ZSCAN12: variants seen among roughly 807,000 people sequenced by gnomAD.
The protein encoded by ZSCAN12 is zinc finger and SCAN domain containing 12.
In ZSCAN12, 18 loss-of-function variants were observed where a neutral mutation model predicts 23.4. The observed-to-expected ratio is 0.77, with a 90% CI of 0.53 to 1.14. The LOEUF (loss-of-function observed/expected upper bound fraction) is 1.14, where lower values mean the gene tolerates loss of function less well. Among genes scored for constraint, ZSCAN12 ranks in the 50% most tolerant of loss-of-function variants. The pLI is 0.00. For missense variants in ZSCAN12, 650 were observed against 735.0 expected, an observed-to-expected ratio of 0.88 and a Z score of 1.34; for synonymous variants, 186 against 253.4, an observed-to-expected ratio of 0.73 and a Z score of 2.53.
chr6:28,384,472 G>C (rs1009618104), downstream of ZSCAN12, among the ~76,000 whole-genome samples: 1 of 152,134 alleles, frequency 6.6e-6, no homozygotes, highest in African/African-American at 2.4e-5. Flanking sequence ...AACTATGATA[G>C]GTGAAAGCTC....
Position 28,398,206 on chromosome 6 carries a change from A to G in ZSCAN12, c.200T>C (p.Leu67Pro). The change falls in exon 2 of 4, where the codon CTC becomes CCC. Residue 67 changes from leucine to proline, a missense_variant. Coordinates refer to ENST00000684592, the MANE Select transcript of ZSCAN12 (RefSeq NM_001163391.2). ...CAGCCACTGATGGCAAAGTTCTCGG[A>G]GTCGGCTCAAAGCCTCACGGGGACC... ...TSGPREALSRLRELCHQWLRP... is the reference protein window; with the variant it reads ...TSGPREALSRPRELCHQWLRP... The G allele has an allele frequency of 6.2e-7, 1 of 1,614,030 alleles. No homozygotes were observed. Among genetic ancestry groups the G allele is most frequent in the Non-Finnish European group, 8.5e-7 (1 of 1,179,958 alleles).
downstream of ZSCAN12, among the ~76,000 whole-genome samples, chr6:28,383,686 C>G (rs1318679326): frequency 1.3e-5 from 2 of 152,158 alleles, no homozygotes; most frequent in Non-Finnish European, 2.9e-5. Flanking sequence ...TGATAACTAA[C>G]AGGGGCGGAG....
chr6:28,391,579 A>G lies in ZSCAN12; in HGVS notation c.711T>C (p.Ser237=), dbSNP rs1261022850. The change falls in exon 4 of 4, where the codon TCT becomes TCC. Residue 237 remains serine (S), a synonymous_variant. Coordinates refer to ENST00000684592, the MANE Select transcript of ZSCAN12 (RefSeq NM_001163391.2). The surrounding 1 kb of genome is among the most constrained non-coding windows in gnomAD (Gnocchi z 4.1). Reference sequence around the variant, plus strand: ...GTTGTTTATCTTCTCTGGAGCAAGCAGAGGGCTCTTCTGTTATTTCTTCAG... The same window carrying G: ...GTTGTTTATCTTCTCTGGAGCAAGCGGAGGGCTCTTCTGTTATTTCTTCAG... The part of the protein sequence containing the change: ...REPEEITEEP[S]ACSREDKQPT... The G allele has an allele frequency of 1.3e-6, 2 of 1,552,196 alleles. No homozygotes were observed. Among genetic ancestry groups the G allele is most frequent in the African/African-American group, 2.7e-5 (2 of 73,052 alleles).
At chr6:28,399,584 A>C (rs1260666382) in intron 1 of ZSCAN12, 73 bp downstream of exon 1, 1 of 152,444 alleles carries the variant, frequency 6.6e-6, no homozygotes, top group Non-Finnish European at 1.5e-5. Context: ...CCAGGGCCTG[A>C]GGGGCCCAGC....
chr6:28,398,303 G>A lies in ZSCAN12; in HGVS notation c.103C>T (p.Arg35Cys), dbSNP rs777879883. Residue 35 changes from arginine to cysteine, a missense_variant, in exon 2 of 4, where the codon CGT (arginine) becomes TGT (cysteine). By Grantham distance (180) the Arg-to-Cys change is radical. Transcript: ENST00000684592. ...TCTCTGCTATGGGTGTTGTTTTTACGCAGGTCCCAATCCTGTCTGGTGGTA... is the reference window on the plus strand; with the variant it reads ...TCTCTGCTATGGGTGTTGTTTTTACACAGGTCCCAATCCTGTCTGGTGGTA... ...KYTTRQDWDL[R>C]KNNTHSREVF... is the part of the protein sequence containing the mutation. 16 of 1,585,354 alleles carry A rather than the reference G, an allele frequency of 1.0e-5. No homozygotes were observed. Among genetic ancestry groups the A allele is most frequent in the African/African-American group, 1.3e-5 (1 of 74,192 alleles).
Position 28,390,572 on chromosome 6 carries a change from C to A in ZSCAN12, c.1718G>T (p.Arg573Ile). 6.3e-7 allele frequency: 1 copy of A among 1,591,840 alleles called. No individual in the cohort carries two copies. Among genetic ancestry groups the A allele is most frequent in the South Asian group, 1.1e-5 (1 of 88,332 alleles). Residue 573 changes from arginine to isoleucine, a missense_variant, in exon 4 of 4, where the codon AGA becomes ATA. Physicochemically the swap from Arg to Ile is moderately conservative, Grantham distance 97. Transcript: ENST00000684592. The stretch of plus-strand genomic sequence containing the variant: ...ATAGGTACCACGTCTATTATGGATT[C>A]TCTGGTGTTTACTAAGATCTGACCT... ...RQRSDLSKHQRIHNRRGTYVC... is the reference protein window; with the variant it reads ...RQRSDLSKHQIIHNRRGTYVC...
chr6:28,382,324 T>C (rs1326032302), downstream of ZSCAN12: 4 of 1,188,408 alleles, frequency 3.4e-6, no homozygotes, highest in Non-Finnish European at 4.4e-6. Context: ...CAAGTGGCTT[T>C]TTCCAATGCT....
chr6:28,396,821 C>T (rs1347562888), intron 2 of ZSCAN12, among the ~76,000 whole-genome samples: 2 of 151,970 alleles, frequency 1.3e-5, no homozygotes, highest in Non-Finnish European at 2.9e-5. Context: ...CCCAGGCTGG[C>T]GTTGAACTCC....
chr6:28,390,699 C>T lies in ZSCAN12; in HGVS notation c.1591G>A (p.Gly531Arg). Residue 531 changes from glycine to arginine, a missense_variant, in exon 4 of 4, where the codon GGG becomes AGG. By Grantham distance (125) the Gly-to-Arg change is moderately radical. Transcript: ENST00000684592. ...GERPYKCDEC[G>R]NAFRGITSLI... Reference sequence around the variant, plus strand: ...CTGGTGATTCCTCGGAAGGCATTCCCACACTCATCACACTTGTAGGGCCTC... The same window carrying T: ...CTGGTGATTCCTCGGAAGGCATTCCTACACTCATCACACTTGTAGGGCCTC... The T allele has an allele frequency of 6.2e-7, 1 of 1,612,456 alleles. No homozygotes were observed. Among genetic ancestry groups the T allele is most frequent in the Non-Finnish European group, 8.5e-7 (1 of 1,179,254 alleles).
In ZSCAN12 at chr6:28,390,657, T is replaced by C. The variant is rs1197148125; in HGVS notation, c.1633A>G (p.Arg545Gly). The C allele has an allele frequency of 3.7e-6, 6 of 1,613,598 alleles. No homozygotes were observed. The highest frequency in any genetic ancestry group is 4.2e-6 in the Non-Finnish European group (5 of 1,179,800). Residue 545 changes from arginine (R) to glycine (G), a missense_variant, in exon 4 of 4, where the codon AGA (arginine) becomes GGA (glycine). By Grantham distance (125) the Arg-to-Gly change is moderately radical. Transcript: ENST00000684592. ...RGITSLIQHQRIHTGEKPYQC... is the reference protein window; with the variant it reads ...RGITSLIQHQGIHTGEKPYQC... Reference sequence around the variant, plus strand: ...TAGGGCTTCTCCCCAGTGTGGATTCTCTGATGCTGAATGAGGCTGGTGATT... The same window carrying C: ...TAGGGCTTCTCCCCAGTGTGGATTCCCTGATGCTGAATGAGGCTGGTGATT...
Position 28,388,053 on chromosome 6 carries a change from C to A in ZSCAN12, c.*2401G>T, listed in dbSNP as rs780089130. On this transcript the variant is annotated 3_prime_UTR_variant, in exon 4 of 4. Transcript: ENST00000684592. ...CTTGGTTTGGTTACAAGTTTGCATT[C>A]TCATTATGTGAGAAATGGGAGGCAG... 6.6e-6 allele frequency among the ~76,000 whole-genome samples: 1 copy of A among 152,128 alleles called. No homozygotes were observed. Among genetic ancestry groups the A allele is most frequent in the African/African-American group, 2.4e-5 (1 of 41,432 alleles).
intron 2 of ZSCAN12, among the ~76,000 whole-genome samples, chr6:28,396,327 A>T (rs768108205): frequency 1.4e-4 from 21 of 152,124 alleles, no homozygotes; most frequent in Non-Finnish European, 2.8e-4. Flanking sequence ...ACAGTGCCTA[A>T]AACAGTACCT....
At chr6:28,394,457 G>A (rs775025598) in intron 2 of ZSCAN12, among the ~76,000 whole-genome samples, 4 of 152,078 alleles carry the variant, frequency 2.6e-5, no homozygotes, top group Non-Finnish European at 4.4e-5. Flanking sequence ...GAATAAAAGC[G>A]AGAGTCAGCA....
chr6:28,384,034 T>C (rs1486453177), downstream of ZSCAN12, among the ~76,000 whole-genome samples: 1 of 144,952 alleles, frequency 6.9e-6, no homozygotes, highest in Non-Finnish European at 1.5e-5. Flanking sequence ...TCATTTTACA[T>C]AGGAGGAAAC....
downstream of ZSCAN12, among the ~76,000 whole-genome samples, chr6:28,384,551 G>A (rs1760448878): frequency 6.6e-6 from 1 of 152,168 alleles, no homozygotes; most frequent in African/African-American, 2.4e-5. Flanking sequence ...AGAATCAACT[G>A]TCTCTTCAAG....
intron 2 of ZSCAN12, among the ~76,000 whole-genome samples, chr6:28,397,118 G>A (rs764608289): frequency 3.3e-5 from 5 of 151,838 alleles, no homozygotes; most frequent in East Asian, 3.9e-4. Flanking sequence ...TGTTTTAAGA[G>A]GTTTAGCATT....
Position 28,398,292 on chromosome 6 carries a change from G to T in ZSCAN12, c.114C>A (p.Asn38Lys). The change falls in exon 2 of 4, where the codon AAC becomes AAA. Residue 38 changes from asparagine to lysine, a missense_variant. Asn to Lys is a moderately conservative substitution (Grantham distance 94, BLOSUM62 0). Coordinates refer to ENST00000684592, the MANE Select transcript of ZSCAN12 (RefSeq NM_001163391.2). The part of the protein sequence containing the change: ...TRQDWDLRKN[N>K]THSREVFRQY... Reference sequence around the variant, plus strand: ...GACGGAAGACCTCTCTGCTATGGGTGTTGTTTTTACGCAGGTCCCAATCCT... The same window carrying T: ...GACGGAAGACCTCTCTGCTATGGGTTTTGTTTTTACGCAGGTCCCAATCCT... The T allele has an allele frequency of 1.9e-6, 3 of 1,597,994 alleles. No individual in the cohort carries two copies. Among genetic ancestry groups the T allele is most frequent in the Non-Finnish European group, 2.6e-6 (3 of 1,172,076 alleles).
chr6:28,394,537 A>G (rs1761012412), intron 2 of ZSCAN12, among the ~76,000 whole-genome samples: 1 of 152,140 alleles, frequency 6.6e-6, no homozygotes, highest in Admixed American at 6.5e-5. Context: ...AAGCCGGGGG[A>G]AAAGGCCAGT....
chr6:28,383,319 C>T (rs1010360927), downstream of ZSCAN12, among the ~76,000 whole-genome samples: 1 of 152,196 alleles, frequency 6.6e-6, no homozygotes, highest in Non-Finnish European at 1.5e-5. Context: ...CCTATCAGGC[C>T]CAACCTCACC....
Sources: allele counts gnomAD v4.1 joint callset (sites outside exome capture counted in the v4.1 genomes callset), GRCh38; gene constraint gnomAD v4.1.1; non-coding constraint Gnocchi (gnomAD v3.1); transcripts MANE v1.5; gene names NCBI Gene and HGNC (gene_info 2026-07-23, HGNC 2026-07-21).